CRB1: variants seen among roughly 807,000 people sequenced by gnomAD.
CRB1 encodes the protein crumbs cell polarity complex component 1.
CRB1 carries 83 observed loss-of-function variants against 120.0 expected under a neutral mutation model. The observed-to-expected ratio is 0.69, with a 90% CI of 0.58 to 0.83. The LOEUF (loss-of-function observed/expected upper bound fraction) is 0.83. Among genes scored for constraint, CRB1 ranks in the 40% least tolerant of loss-of-function variants. The probability of loss-of-function intolerance (pLI) is 0.00; values close to 1 mark genes in which losing one functional copy is unlikely to be tolerated. For synonymous variants in CRB1, 625 were observed against 612.5 expected (o/e 1.02, Z -0.30); for missense variants, 1,699 against 1,687.6 (o/e 1.01, Z -0.12).
At chr1:197,415,903 A>G (rs1166022839) in intron 5 of CRB1, among the ~76,000 whole-genome samples, 2 of 151,984 alleles carry the variant, frequency 1.3e-5, no homozygotes, top group African/African-American at 4.8e-5. Flanking sequence ...CGGCTTCCCA[A>G]GGTTCTGGCA....
chr1:197,250,690 C>T, the CRB1 span, among the ~76,000 whole-genome samples: 1 of 151,926 alleles, frequency 6.6e-6, no homozygotes, highest in Non-Finnish European at 1.5e-5. Flanking sequence ...ATAGTACCTG[C>T]CATTAGCTTT....
At chr1:197,346,485 A>C (rs979821876) in intron 3 of CRB1, among the ~76,000 whole-genome samples, 3 of 152,186 alleles carry the variant, frequency 2.0e-5, no homozygotes, top group African/African-American at 7.2e-5. Flanking sequence ...CTAACAACAC[A>C]TATGAAGATT....
chr1:197,385,560 G>C (rs58933087), intron 5 of CRB1, among the ~76,000 whole-genome samples: 69 of 152,040 alleles, frequency 4.5e-4, no homozygotes, highest in African/African-American at 1.6e-3. Flanking sequence ...ATATATACAT[G>C]TACAATATAC....
chr1:197,290,373 T>C (rs973691327), intron 1 of CRB1, among the ~76,000 whole-genome samples: 3 of 151,308 alleles, frequency 2.0e-5, no homozygotes, highest in Non-Finnish European at 4.4e-5. Flanking sequence ...CTCAGGGTTT[T>C]GATTTCCTGG....
At chr1:197,203,892 A>T in the CRB1 span, among the ~76,000 whole-genome samples, 1 of 152,146 alleles carries the variant, frequency 6.6e-6, no homozygotes, top group Non-Finnish European at 1.5e-5. Flanking sequence ...TGGTGCACCC[A>T]TCATCCAAGT....
chr1:197,225,474 C>T, the CRB1 span, among the ~76,000 whole-genome samples: 2 of 152,330 alleles, frequency 1.3e-5, no homozygotes, highest in South Asian at 2.1e-4. Flanking sequence ...TAACAGAACA[C>T]CAATATTTTG....
At chr1:197,444,844 T>C (rs889827823) in intron 11 of CRB1, 2 of 152,150 alleles carry the variant, frequency 1.3e-5, no homozygotes, top group East Asian at 3.8e-4. Context: ...CATCTTCTAA[T>C]GGTACTTGTA....
At chr1:197,262,776 A>G in the CRB1 span, among the ~76,000 whole-genome samples, 1 of 152,150 alleles carries the variant, frequency 6.6e-6, no homozygotes, top group Non-Finnish European at 1.5e-5. Flanking sequence ...AAGAACATGC[A>G]GTATTTGATT....
intron 11 of CRB1, chr1:197,443,390 T>G (rs1239450850): frequency 1.3e-5 from 2 of 152,034 alleles, no homozygotes; most frequent in Non-Finnish European, 2.9e-5. Flanking sequence ...CTTTCTCTAT[T>G]TCCTTTCCTG....
chr1:197,433,137 C>A (rs985657138), intron 8 of CRB1, among the ~76,000 whole-genome samples: 2 of 151,098 alleles, frequency 1.3e-5, no homozygotes, highest in African/African-American at 2.4e-5. Flanking sequence ...TTCAAGCTAT[C>A]CACCCTCCTC....
chr1:197,420,907 T>G (rs1455590746), intron 5 of CRB1, 93 bp from the exon 6 acceptor site: 9 of 866,954 alleles, frequency 1.0e-5, no homozygotes, highest in Admixed American at 5.1e-5. Flanking sequence ...GAGCTATTCA[T>G]GCACTTCTGC....
intron 1 of CRB1, among the ~76,000 whole-genome samples, chr1:197,312,296 G>T (rs1215332657): frequency 6.6e-6 from 1 of 152,174 alleles, no homozygotes; most frequent in Admixed American, 6.5e-5. Flanking sequence ...GGGTGCGGTG[G>T]CTCATGCCTG....
At chr1:197,378,918 G>A (rs763203835) in intron 5 of CRB1, among the ~76,000 whole-genome samples, 2 of 152,186 alleles carry the variant, frequency 1.3e-5, no homozygotes, top group Non-Finnish European at 2.9e-5. Context: ...CAAGAGCATG[G>A]TTAAATGGAT....
At chr1:197,313,099 G>A (rs1033092242) in intron 1 of CRB1, among the ~76,000 whole-genome samples, 6 of 152,150 alleles carry the variant, frequency 3.9e-5, no homozygotes, top group African/African-American at 1.4e-4. Context: ...CAAAGGTGAA[G>A]GGGAACCAAG....
the CRB1 span, among the ~76,000 whole-genome samples, chr1:197,245,629 A>G: frequency 5.3e-5 from 8 of 151,998 alleles, no homozygotes; most frequent in African/African-American, 1.7e-4. Context: ...ACCTTGAGAT[A>G]TTTCTGCTTT....
At chr1:197,465,653 A>G (rs149762585) in intron 11 of CRB1, among the ~76,000 whole-genome samples, 2 of 152,268 alleles carry the variant, frequency 1.3e-5, no homozygotes, top group African/African-American at 4.8e-5. Context: ...TAGACATACC[A>G]AGTCTCAAAC....
At chr1:197,265,694 T>C (rs1260405273), upstream of CRB1, among the ~76,000 whole-genome samples, 1 of 152,218 alleles carries the variant, frequency 6.6e-6, no homozygotes, top group East Asian at 1.9e-4. Context: ...CAAAACCTGA[T>C]AAAATTCGTT....
At chr1:197,468,700 A>G (rs370504809) in intron 11 of CRB1, among the ~76,000 whole-genome samples, 2 of 152,330 alleles carry the variant, frequency 1.3e-5, no homozygotes, top group African/African-American at 4.8e-5. Flanking sequence ...ATTGAACAAC[A>G]GCTACACATT....
intron 1 of CRB1, among the ~76,000 whole-genome samples, chr1:197,317,071 G>A (rs967698228): frequency 1.9e-4 from 29 of 152,292 alleles, no homozygotes; most frequent in African/African-American, 7.0e-4. Flanking sequence ...TTGTTAAAAT[G>A]TCCGTACAAT....
Sources: allele counts gnomAD v4.1 joint callset (sites outside exome capture counted in the v4.1 genomes callset), GRCh38; gene constraint gnomAD v4.1.1; transcripts MANE v1.5; gene names NCBI Gene and HGNC (gene_info 2026-07-23, HGNC 2026-07-21).